AOX1: variants seen among roughly 807,000 people sequenced by gnomAD.
The protein encoded by AOX1 is aldehyde oxidase.
Under a neutral mutation model 169.5 loss-of-function variants are expected in AOX1, and 153 were observed. That is an observed-to-expected ratio of 0.90 (90% CI 0.79 to 1.03). The LOEUF is 1.03. Among genes scored for constraint, AOX1 ranks in the 50% least tolerant of loss-of-function variants. The pLI, the probability that AOX1 is intolerant of heterozygous loss-of-function variation, is 0.00. For synonymous variants in AOX1, 562 were observed against 581.9 expected (o/e 0.97, Z 0.49); for missense variants, 1,656 against 1,663.9 (o/e 1.00, Z 0.08).
chr2:200,666,793 C>A (rs773080320), intron 32 of AOX1, 41 bp downstream of exon 32: 2 of 1,486,082 alleles, frequency 1.3e-6, no homozygotes, highest in Non-Finnish European at 1.9e-6. Context: ...TTTGTAAAAG[C>A]CAAAAGTGCG....
At chr2:200,623,309 C>G (rs759850535) in intron 18 of AOX1, among the ~76,000 whole-genome samples, 1 of 152,222 alleles carries the variant, frequency 6.6e-6, no homozygotes, top group South Asian at 2.1e-4. Context: ...AGCTGTCAAC[C>G]CCCCCAGGAA....
At position 200,595,271 on chromosome 2, in the gene AOX1, G is replaced by A; in HGVS notation, c.104-1G>A. On this transcript the variant is annotated splice_acceptor_variant, in intron 2 of 34. Coordinates refer to ENST00000374700, the MANE Select transcript of AOX1 (RefSeq NM_001159.4). LOFTEE classifies it high-confidence loss of function. ...ATGATCTTTAACTATACCTCTTCCA[G>A]TTCGACTCACAGGAACTAAGTATGG... 6.2e-7 allele frequency: 1 copy of A among 1,611,950 alleles called. No homozygotes were observed. Among genetic ancestry groups the A allele is most frequent in the Non-Finnish European group, 8.5e-7 (1 of 1,178,662 alleles).
chr2:200,672,269 A>G (rs1055046280), downstream of AOX1, among the ~76,000 whole-genome samples: 1 of 152,250 alleles, frequency 6.6e-6, no homozygotes, highest in African/African-American at 2.4e-5. Context: ...TATAAAGGTG[A>G]GTTTTATGGT....
At chr2:200,667,451 A>AC (rs1158644323) in intron 32 of AOX1, among the ~76,000 whole-genome samples, 150 of 63,422 alleles carry the variant, frequency 2.4e-3, no homozygotes, top group Middle Eastern at 9.6e-3. Context: ...CCTCCCCCCC[A>AC]CCCCCCGCCC....
intron 26 of AOX1, among the ~76,000 whole-genome samples, chr2:200,653,066 G>A (rs1266931723): frequency 2.0e-5 from 3 of 152,168 alleles, no homozygotes; most frequent in Non-Finnish European, 4.4e-5. Context: ...TCAAGGTCCT[G>A]CAGCTGGTAG....
chr2:200,662,291 G>A (rs1279121993), intron 30 of AOX1, among the ~76,000 whole-genome samples: 1 of 152,148 alleles, frequency 6.6e-6, no homozygotes, highest in Non-Finnish European at 1.5e-5. Context: ...AGAGGAGAGA[G>A]GGTAGAGAGT....
At chr2:200,647,839 G>A (rs1318390490) in intron 25 of AOX1, among the ~76,000 whole-genome samples, 1 of 151,960 alleles carries the variant, frequency 6.6e-6, no homozygotes, top group Non-Finnish European at 1.5e-5. Flanking sequence ...CCTTGTCTTC[G>A]AGCTCTGAAT....
intron 2 of AOX1, among the ~76,000 whole-genome samples, chr2:200,593,612 C>T (rs1470431534): frequency 2.0e-5 from 3 of 152,034 alleles, no homozygotes; most frequent in Non-Finnish European, 2.9e-5. Flanking sequence ...AAATGTTATC[C>T]TAGAAAAACT....
At chr2:200,643,793 A>G (rs530235535) in intron 25 of AOX1, among the ~76,000 whole-genome samples, 1 of 152,160 alleles carries the variant, frequency 6.6e-6, no homozygotes, top group South Asian at 2.1e-4. Context: ...TTCAGTTTGC[A>G]TTTCCCTGAT....
At chr2:200,606,814 AT>A (rs1332763704) in intron 10 of AOX1, among the ~76,000 whole-genome samples, 8 of 152,012 alleles carry the variant, frequency 5.3e-5, no homozygotes, top group Admixed American at 1.3e-4. Context: ...AATGCTTGTG[AT>A]TTTTGCACAT....
chr2:200,617,780 A>AT (rs1315917333), intron 16 of AOX1, among the ~76,000 whole-genome samples: 2 of 151,894 alleles, frequency 1.3e-5, no homozygotes, highest in African/African-American at 4.8e-5. Context: ...GATGTGGGTG[A>AT]TTTTTTTTCA....
At chr2:200,643,063 T>C (rs754246913) in intron 25 of AOX1, among the ~76,000 whole-genome samples, 5 of 152,084 alleles carry the variant, frequency 3.3e-5, no homozygotes, top group Admixed American at 6.6e-5. Context: ...GAAGCTTCCA[T>C]TGGCTGGGGG....
intron 22 of AOX1, 152 bp downstream of exon 22, chr2:200,637,196 G>T: frequency 1.0e-6 from 1 of 954,896 alleles, no homozygotes. Flanking sequence ...ACACTTACTT[G>T]TCTTATATTG....
intron 3 of AOX1, among the ~76,000 whole-genome samples, chr2:200,596,136 A>G (rs2034279356): frequency 1.3e-5 from 2 of 152,242 alleles, no homozygotes; most frequent in Admixed American, 1.3e-4. Context: ...ATCATTTCAC[A>G]GATCGCACTT....
chr2:200,588,004 G>A (rs572061162), intron 1 of AOX1, among the ~76,000 whole-genome samples: 1 of 152,206 alleles, frequency 6.6e-6, no homozygotes, highest in South Asian at 2.1e-4. Context: ...GTCCTTGCGT[G>A]CATGGAGCTT....
At chr2:200,631,708 T>G (rs1304590192) in intron 20 of AOX1, among the ~76,000 whole-genome samples, 1 of 152,226 alleles carries the variant, frequency 6.6e-6, no homozygotes, top group Non-Finnish European at 1.5e-5. Context: ...AAACTTTCCC[T>G]TCTTTACAGA....
intron 27 of AOX1, among the ~76,000 whole-genome samples, chr2:200,658,125 TA>T (rs1388884039): frequency 6.6e-6 from 1 of 152,248 alleles, no homozygotes; most frequent in African/African-American, 2.4e-5. Flanking sequence ...GATTGTTTCT[TA>T]AAATAGACTT....
At chr2:200,597,230 C>A (rs59106547) in intron 3 of AOX1, among the ~76,000 whole-genome samples, 167 bp from the exon 4 acceptor site, 3,825 of 152,284 alleles carry the variant, frequency 0.025, 174 homozygotes, top group African/African-American at 0.088. Flanking sequence ...TCAGATTCCA[C>A]TTCTCTAAAA....
chr2:200,657,276 G>C (rs2035716277), intron 27 of AOX1, among the ~76,000 whole-genome samples: 1 of 146,962 alleles, frequency 6.8e-6, no homozygotes, highest in African/African-American at 2.5e-5. Context: ...AGGATTGCTT[G>C]AGCCTGGGAG....
Sources: gnomAD v4.1 joint callset for allele counts (sites outside exome capture counted in the v4.1 genomes callset) on GRCh38, gnomAD v4.1.1 for gene constraint, MANE v1.5 for transcripts, NCBI Gene and HGNC (gene_info 2026-07-23, HGNC 2026-07-21) for gene names.